CELSR1: variants seen among roughly 807,000 people sequenced by gnomAD.
The protein encoded by CELSR1 is cadherin EGF LAG seven-pass G-type receptor 1.
CELSR1 carries 110 observed loss-of-function variants against 249.1 expected under a neutral mutation model. The observed-to-expected ratio is 0.44, with a 90% CI of 0.38 to 0.52. The LOEUF (loss-of-function observed/expected upper bound fraction) is 0.52. CELSR1 is among the 20% of genes least tolerant of loss of function. CELSR1 has a pLI of 0.00. For missense variants in CELSR1, 4,109 were observed against 4,296.4 expected, an observed-to-expected ratio of 0.96 and a Z score of 1.22; for synonymous variants, 2,113 against 1,900.0, an observed-to-expected ratio of 1.11 and a Z score of -2.92.
At chr22:46,502,510 G>C (rs946627732) in intron 1 of CELSR1, among the ~76,000 whole-genome samples, 2 of 151,490 alleles carry the variant, frequency 1.3e-5, no homozygotes, top group Non-Finnish European at 2.9e-5. Context: ...GGAGGGAAGA[G>C]AGGGAGGGAA....
chr22:46,391,241 C>T lies in CELSR1; in HGVS notation c.6195G>A (p.Trp2065Ter). The T allele has an allele frequency of 6.2e-7, 1 of 1,613,740 alleles. No individual in the cohort carries two copies. The highest frequency in any genetic ancestry group is 8.5e-7 in the Non-Finnish European group (1 of 1,180,014). Reference sequence around the variant, plus strand: ...CCGGCTGCCCGAACTTGGTCTGTGGCCACCAGATGCCGGCCTCAAATGCTT... The same window carrying T: ...CCGGCTGCCCGAACTTGGTCTGTGGTCACCAGATGCCGGCCTCAAATGCTT... The part of the protein sequence containing the change: ...CPKAFEAGIW[W>*]PQTKFGQPAA... Residue 2065 changes from tryptophan (W) to a stop codon, truncating the protein, a stop_gained, in exon 16 of 35, where the codon TGG becomes TGA. Coordinates refer to ENST00000674500, the MANE Select transcript of CELSR1 (RefSeq NM_001378328.1). LOFTEE classifies it high-confidence loss of function. This position sits in a 1 kb window ranked among gnomAD's most constrained non-coding sequence, Gnocchi z 4.3.
chr22:46,496,200 CAAAAAA>C (rs3081584), intron 1 of CELSR1, among the ~76,000 whole-genome samples: 106 of 144,268 alleles, frequency 7.3e-4, no homozygotes, highest in East Asian at 5.4e-3. Context: ...GACTTTGTCT[CAAAAAA>C]AAAAAAAAAA....
At chr22:46,504,057 C>T (rs1002158668) in intron 1 of CELSR1, among the ~76,000 whole-genome samples, 1 of 152,090 alleles carries the variant, frequency 6.6e-6, no homozygotes, top group Non-Finnish European at 1.5e-5. Flanking sequence ...AAAACATAAA[C>T]ATTTAAGACC....
chr22:46,403,981 A>G (rs1436105347), intron 9 of CELSR1, among the ~76,000 whole-genome samples: 1 of 151,678 alleles, frequency 6.6e-6, no homozygotes, highest in Non-Finnish European at 1.5e-5. Flanking sequence ...CAAAAAAAAA[A>G]AAAAAAAAAG....
Position 46,473,584 on chromosome 22 carries a change from G to A in CELSR1, c.3545-9239C>T, listed in dbSNP as rs76118213. Among the ~76,000 whole-genome samples, 685 of 152,300 alleles carry A rather than the reference G, an allele frequency of 4.5e-3. 2 individuals carry two copies. Among genetic ancestry groups the A allele is most frequent in the Non-Finnish European group, 7.8e-3 (532 of 68,032 alleles). ...CGTCACCAACGCCCCTCGAGGCCTGGTTAGGGCAGCCCATGATGCCCTCGG... is the reference window on the plus strand; with the variant it reads ...CGTCACCAACGCCCCTCGAGGCCTGATTAGGGCAGCCCATGATGCCCTCGG... On this transcript the variant is annotated intron_variant, in intron 1 of 34. Coordinates refer to ENST00000674500, the MANE Select transcript of CELSR1 (RefSeq NM_001378328.1). The surrounding 1 kb of genome is among the most constrained non-coding windows in gnomAD (Gnocchi z 6.6).
intron 1 of CELSR1, among the ~76,000 whole-genome samples, chr22:46,530,927 T>A (rs569871483): frequency 2.6e-4 from 40 of 152,348 alleles, no homozygotes; most frequent in African/African-American, 9.1e-4. Context: ...TCATATTGCA[T>A]CAAAGGCTTT....
Position 46,430,689 on chromosome 22 carries a change from A to G in CELSR1, c.4611+2704T>C, listed in dbSNP as rs553924819. ...GACATTGGAGACAAAGTGGAGGCCC[A>G]GAGAGCAGAGGAACCAGCCCCCAGA... On this transcript the variant is annotated intron_variant, in intron 5 of 34. Coordinates refer to ENST00000674500, the MANE Select transcript of CELSR1 (RefSeq NM_001378328.1). The surrounding 1 kb of genome is among the most constrained non-coding windows in gnomAD (Gnocchi z 4.6). Among the ~76,000 whole-genome samples the G allele has an allele frequency of 6.6e-6, 1 of 152,334 alleles. No individual in the cohort carries two copies. The highest frequency in any genetic ancestry group is 2.1e-4 in the South Asian group (1 of 4,828).
rs1330785957 is a variant in CELSR1 at position 46,411,485 on chromosome 22, G to A, written c.4769+117C>T. ...AGGATGTCTGACTCTAGCCTGGAAT[G>A]AGGTCGCCAGGGCACTGCACCCAGA... On this transcript the variant is annotated intron_variant, in intron 6 of 34. Coordinates refer to ENST00000674500, the MANE Select transcript of CELSR1 (RefSeq NM_001378328.1). This position sits in a 1 kb window ranked among gnomAD's most constrained non-coding sequence, Gnocchi z 4.2. The A allele has an allele frequency of 3.4e-6, 4 of 1,164,002 alleles. No homozygotes were observed. The East Asian group carries it at 1.0e-4, about 30-fold the overall frequency. The allele number at this position is 1,164,002 out of a possible 1,614,324, so 72.1% of individuals were successfully genotyped here.
At chr22:46,495,060 C>T (rs972815075) in intron 1 of CELSR1, among the ~76,000 whole-genome samples, 2 of 152,206 alleles carry the variant, frequency 1.3e-5, no homozygotes, top group Non-Finnish European at 2.9e-5. Context: ...ACAAACCTAG[C>T]TAGACCCAGC....
In CELSR1 at chr22:46,423,605, C is replaced by CA. The variant is rs1555914495; in HGVS notation, c.4611+9787dup. Among the ~76,000 whole-genome samples the CA allele has an allele frequency of 2.1e-5, 2 of 93,290 alleles. No individual in the cohort carries two copies. Among genetic ancestry groups the CA allele is most frequent in the Admixed American group, 1.1e-4 (1 of 9,244 alleles). 61.2% of individuals were successfully genotyped at this position (93,290 alleles called of 152,430 possible). On this transcript the variant is annotated intron_variant, in intron 5 of 34. Transcript: ENST00000674500. This position sits in a 1 kb window ranked among gnomAD's most constrained non-coding sequence, Gnocchi z 5.6. ...GGGCAACAGGAGCGAAACTTCGTCT[C>CA]AGAAAAAAAAAAAAAAAAAGACTCC... is the stretch of plus-strand genomic sequence containing the variant.
chr22:46,374,549 G>A lies in CELSR1; in HGVS notation c.7585-1492C>T, dbSNP rs1002595498. Among the ~76,000 whole-genome samples the A allele has an allele frequency of 6.6e-6, 1 of 152,146 alleles. No homozygotes were observed. The highest frequency in any genetic ancestry group is 2.1e-4 in the South Asian group (1 of 4,832). On this transcript the variant is annotated intron_variant, in intron 24 of 34. Transcript: ENST00000674500. The surrounding 1 kb of genome is among the most constrained non-coding windows in gnomAD (Gnocchi z 4.3). ...CAAGCCCCTAGAACGCTGCCGGGTCGCCCTTTCCTTCTCCATGCTCAGCCG... is the reference window on the plus strand; with the variant it reads ...CAAGCCCCTAGAACGCTGCCGGGTCACCCTTTCCTTCTCCATGCTCAGCCG...
Position 46,409,237 on chromosome 22 carries a change from G to A in CELSR1, c.5060-75C>T, listed in dbSNP as rs1164738061. ...CGCGGACTTGGCTGCAGGGGCGGGGGATGGGCCTGCAGGCTAGGCCTGGGC... is the reference window on the plus strand; with the variant it reads ...CGCGGACTTGGCTGCAGGGGCGGGGAATGGGCCTGCAGGCTAGGCCTGGGC... On this transcript the variant is annotated intron_variant, in intron 8 of 34. Coordinates refer to ENST00000674500, the MANE Select transcript of CELSR1 (RefSeq NM_001378328.1). This position sits in a 1 kb window ranked among gnomAD's most constrained non-coding sequence, Gnocchi z 9.8. The A allele has an allele frequency of 1.3e-6, 2 of 1,505,646 alleles. No individual in the cohort carries two copies. Among genetic ancestry groups the A allele is most frequent in the Non-Finnish European group, 1.8e-6 (2 of 1,097,940 alleles). The allele number at this position is 1,505,646 out of a possible 1,614,324, so 93.3% of individuals were successfully genotyped here.
intron 2 of CELSR1, among the ~76,000 whole-genome samples, chr22:46,458,367 C>T (rs1268270046): frequency 6.6e-6 from 1 of 152,134 alleles, no homozygotes; most frequent in East Asian, 1.9e-4. Context: ...CTGGGCGCTC[C>T]GTGAAGAAGG....
rs575326255 is a variant in CELSR1 at position 46,488,699 on chromosome 22, A to G, written c.3545-24354T>C. On this transcript the variant is annotated intron_variant, in intron 1 of 34. Coordinates refer to ENST00000674500, the MANE Select transcript of CELSR1 (RefSeq NM_001378328.1). This position sits in a 1 kb window ranked among gnomAD's most constrained non-coding sequence, Gnocchi z 4.7. ...TTTTGAGACGGAGTCTTGCTCTGTCACCCAGGCTGGAGTTCAGTGGCGTGA... is the reference window on the plus strand; with the variant it reads ...TTTTGAGACGGAGTCTTGCTCTGTCGCCCAGGCTGGAGTTCAGTGGCGTGA... Among the ~76,000 whole-genome samples the G allele has an allele frequency of 3.3e-5, 5 of 150,312 alleles. No homozygotes were observed. The highest frequency in any genetic ancestry group is 3.9e-4 in the East Asian group (2 of 5,104).
intron 9 of CELSR1, among the ~76,000 whole-genome samples, chr22:46,400,829 G>A (rs2147291050): frequency 6.6e-6 from 1 of 152,124 alleles, no homozygotes; most frequent in African/African-American, 2.4e-5. Context: ...GTGTGCTCCT[G>A]TAATCCCAGC....
At chr22:46,507,443 G>A (rs563990122) in intron 1 of CELSR1, among the ~76,000 whole-genome samples, 3 of 152,104 alleles carry the variant, frequency 2.0e-5, no homozygotes, top group Admixed American at 1.3e-4. Flanking sequence ...CCGAGCAGCT[G>A]CAGCGTACTC....
rs1230223357 is a variant in CELSR1, at chr22:46,416,102, C to CGGGGGGGGGGG, written c.4612-4344_4612-4343insCCCCCCCCCCC. Among the ~76,000 whole-genome samples the CGGGGGGGGGGG allele has an allele frequency of 1.4e-4, 17 of 122,248 alleles. 1 individual carries two copies. The highest frequency in any genetic ancestry group is 2.3e-4 in the African/African-American group (7 of 30,242). The allele number at this position is 122,248 out of a possible 152,430, so 80.2% of individuals were successfully genotyped here. A position where few individuals can be genotyped will look rare whatever the true frequency, so the allele number is the denominator to read the frequency against. ...AGCTGACGATGAATGGTACAGGTTG[C>CGGGGGGGGGGG]AGAGGGGGGCGGATAAGGAATGAGA... On this transcript the variant is annotated intron_variant, in intron 5 of 34. Coordinates refer to ENST00000674500, the MANE Select transcript of CELSR1 (RefSeq NM_001378328.1).
chr22:46,523,558 A>ATAAATAAG (rs1484441188), intron 1 of CELSR1, among the ~76,000 whole-genome samples: 1 of 151,400 alleles, frequency 6.6e-6, no homozygotes, highest in Non-Finnish European at 1.5e-5. Context: ...AAATAAATAA[A>ATAAATAAG]TAAAATAAAA....
At chr22:46,478,602 G>C (rs1165080436) in intron 1 of CELSR1, among the ~76,000 whole-genome samples, 1 of 151,786 alleles carries the variant, frequency 6.6e-6, no homozygotes, top group Non-Finnish European at 1.5e-5. Context: ...AAGTGCAGTG[G>C]TGCGATCTCG....
Sources: allele counts gnomAD v4.1 joint callset (sites outside exome capture counted in the v4.1 genomes callset), GRCh38; gene constraint gnomAD v4.1.1; non-coding constraint Gnocchi (gnomAD v3.1); transcripts MANE v1.5; gene names NCBI Gene and HGNC (gene_info 2026-07-23, HGNC 2026-07-21).